ATP2B3: variants seen among roughly 807,000 people sequenced by gnomAD.
The protein encoded by ATP2B3 is plasma membrane calcium-transporting ATPase 3.
A neutral mutation model predicts 70.8 loss-of-function variants in ATP2B3; 12 were observed. That is an observed-to-expected ratio of 0.17 (90% CI 0.11 to 0.27). The LOEUF (loss-of-function observed/expected upper bound fraction) is 0.27, where lower values mean the gene tolerates loss of function less well. Ranked by LOEUF, ATP2B3 falls within the 10% of genes least tolerant of loss-of-function variation. The pLI is 1.00. For synonymous variants in ATP2B3, 460 were observed against 497.8 expected (o/e 0.92, Z 1.01); for missense variants, 858 against 1,118.5 (o/e 0.77, Z 3.32).
chrX:153,551,736 G>A (rs962456959), intron 12 of ATP2B3, among the ~76,000 whole-genome samples: 3 of 112,211 alleles, frequency 2.7e-5, no homozygotes, highest in Non-Finnish European at 3.8e-5. Context: ...TGTGTGGTGC[G>A]TGAATTATAT....
At chrX:153,575,208 G>A (rs1044424406) in intron 21 of ATP2B3, among the ~76,000 whole-genome samples, 15 of 112,938 alleles carry the variant, frequency 1.3e-4, no homozygotes, top group Non-Finnish European at 2.6e-4. Flanking sequence ...CAGCACAGGA[G>A]GCTGGTGCAA....
chrX:153,548,323 C>T (rs2090402170), intron 9 of ATP2B3, among the ~76,000 whole-genome samples: 1 of 111,526 alleles, frequency 9.0e-6, no homozygotes, highest in Admixed American at 9.4e-5. Context: ...AGGGCTGGTA[C>T]CCCAACTTCT....
chrX:153,522,426 C>A (rs2089971578), intron 2 of ATP2B3, among the ~76,000 whole-genome samples: 1 of 112,410 alleles, frequency 8.9e-6, no homozygotes, highest in African/African-American at 3.2e-5. Flanking sequence ...TCTCCCAGGG[C>A]TCGGGTCCAC....
intron 20 of ATP2B3, among the ~76,000 whole-genome samples, chrX:153,563,215 C>T (rs1268166724): frequency 3.3e-5 from 3 of 91,066 alleles, no homozygotes; most frequent in African/African-American, 1.2e-4. Flanking sequence ...AATCACAGCT[C>T]ACTGTAGCCT....
chrX:153,563,452 T>G (rs1407327911), intron 20 of ATP2B3, among the ~76,000 whole-genome samples: 2 of 112,060 alleles, frequency 1.8e-5, no homozygotes, highest in Admixed American at 9.4e-5. Flanking sequence ...GGCTTTTGTT[T>G]CTTGATCTCT....
At chrX:153,557,634 CAGAGGA>C (rs1192961878) in intron 16 of ATP2B3, among the ~76,000 whole-genome samples, 14 of 112,156 alleles carry the variant, frequency 1.2e-4, no homozygotes, top group Non-Finnish European at 2.4e-4. Flanking sequence ...AGGCTTGGGG[CAGAGGA>C]GAGGACTGCG....
At chrX:153,578,653 T>C (rs192188935) in intron 21 of ATP2B3, among the ~76,000 whole-genome samples, 151 of 112,724 alleles carry the variant, frequency 1.3e-3, no homozygotes, top group Non-Finnish European at 2.5e-3. Context: ...AGAGGGCCAC[T>C]GTGCCGGGGG....
chrX:153,565,635 A>G (rs1603113316), intron 21 of ATP2B3, among the ~76,000 whole-genome samples: 1 of 112,531 alleles, frequency 8.9e-6, no homozygotes, highest in East Asian at 2.8e-4. Flanking sequence ...GCCAAGACCA[A>G]GGGCGTCAGC....
chrX:153,536,593 G>T, intron 3 of ATP2B3, 138 bp downstream of exon 3: 1 of 688,252 alleles, frequency 1.5e-6, no homozygotes, highest in Non-Finnish European at 2.2e-6. Context: ...TCCCTTGAGG[G>T]GGAGATGCCC....
At chrX:153,530,040 G>T in intron 2 of ATP2B3, among the ~76,000 whole-genome samples, 1 of 112,653 alleles carries the variant, frequency 8.9e-6, no homozygotes, top group Non-Finnish European at 1.9e-5. Flanking sequence ...GGACAAATAC[G>T]TTTGTGTCCC....
chrX:153,582,655 C>T lies in ATP2B3; in HGVS notation c.*2357C>T, dbSNP rs1223870172. On this transcript the variant is annotated 3_prime_UTR_variant, in exon 22 of 22. Transcript: ENST00000263519. ...GGGTACCATGACCTGGAATCTTTTG[C>T]TCTTGTTTTTGCAGTCTTCAAGGCT... is the stretch of plus-strand genomic sequence containing the variant. 8.9e-6 allele frequency: 1 copy of T among 112,915 alleles called. No individual in the cohort carries two copies. Among genetic ancestry groups the T allele is most frequent in the Non-Finnish European group, 1.9e-5 (1 of 53,363 alleles). 9.3% of individuals were successfully genotyped at this position (112,915 alleles called of 1,213,427 possible).
chrX:153,552,010 G>A (rs2090464386), intron 12 of ATP2B3, among the ~76,000 whole-genome samples: 1 of 112,648 alleles, frequency 8.9e-6, no homozygotes, highest in Admixed American at 9.3e-5. Flanking sequence ...CACCCTGCCT[G>A]GCCGCCCCAC....
chrX:153,544,295 A>G (rs1557007918), intron 7 of ATP2B3, among the ~76,000 whole-genome samples: 1 of 112,257 alleles, frequency 8.9e-6, no homozygotes, highest in African/African-American at 3.2e-5. Flanking sequence ...CTTGCACACA[A>G]TGGCCCTCTC....
chrX:153,547,732 C>G, intron 8 of ATP2B3, 103 bp from the exon 9 acceptor site: 1 of 970,836 alleles, frequency 1.0e-6, no homozygotes, highest in Non-Finnish European at 1.4e-6. Flanking sequence ...TGAATCCCGT[C>G]TCCTCTCTAT....
chrX:153,566,244 C>A (rs2090705625), intron 21 of ATP2B3, among the ~76,000 whole-genome samples: 1 of 112,636 alleles, frequency 8.9e-6, no homozygotes, highest in African/African-American at 3.2e-5. Context: ...TGTCCAGGAT[C>A]CCCAGTTGCA....
At chrX:153,518,276 C>G (rs1010420573) in intron 1 of ATP2B3, among the ~76,000 whole-genome samples, 156 bp from the exon 2 acceptor site, 10 of 112,631 alleles carry the variant, frequency 8.9e-5, no homozygotes, top group Admixed American at 5.5e-4. Context: ...CCCCCTCCCC[C>G]CCGCGCCCTC....
At chrX:153,578,661 G>A (rs1037203384) in intron 21 of ATP2B3, among the ~76,000 whole-genome samples, 5 of 112,765 alleles carry the variant, frequency 4.4e-5, no homozygotes, top group Non-Finnish European at 9.4e-5. Context: ...ACTGTGCCGG[G>A]GGAGTCTGGG....
intron 21 of ATP2B3, among the ~76,000 whole-genome samples, chrX:153,570,441 G>C (rs140518098): frequency 0.022 from 2,474 of 112,450 alleles, 52 homozygotes; most frequent in African/African-American, 0.075. Flanking sequence ...TCAAGACGTT[G>C]CCAGGAAAAT....
chrX:153,569,863 G>A, intron 21 of ATP2B3: 1 of 938,171 alleles, frequency 1.1e-6, no homozygotes, highest in African/African-American at 1.9e-5. Context: ...GCTCACCGTG[G>A]CTTTTCTGTT....
Sources: gnomAD v4.1 joint callset for allele counts (sites outside exome capture counted in the v4.1 genomes callset) on GRCh38, gnomAD v4.1.1 for gene constraint, MANE v1.5 for transcripts, NCBI Gene and HGNC (gene_info 2026-07-23, HGNC 2026-07-21) for gene names.